DCC: variants seen among roughly 807,000 people sequenced by gnomAD.
The protein encoded by DCC is netrin receptor DCC.
DCC carries 58 observed loss-of-function variants against 172.5 expected under a neutral mutation model. That is an observed-to-expected ratio of 0.34 (90% CI 0.27 to 0.42). DCC has a LOEUF of 0.42. Among genes scored for constraint, DCC ranks in the 10% least tolerant of loss-of-function variants. The pLI is 1.00. For synonymous variants in DCC, 709 were observed against 644.5 expected, an observed-to-expected ratio of 1.10 and a Z score of -1.52; for missense variants, 1,740 against 1,791.0, an observed-to-expected ratio of 0.97 and a Z score of 0.51.
rs536212443 is a variant in DCC at position 53,116,615 on chromosome 18, C to T, written c.1262-40741C>T. Among the ~76,000 whole-genome samples the T allele has an allele frequency of 2.0e-5, 3 of 151,708 alleles. No individual in the cohort carries two copies. In the East Asian group the frequency reaches 5.9e-4, roughly 30 times the overall value. ...TGCAGCTATTCATTATTGCATCTTT[C>T]AAATAAACATGAAAGTACTCTTGGG... On this transcript the variant is annotated intron_variant, in intron 7 of 28. Coordinates refer to ENST00000442544, the MANE Select transcript of DCC (RefSeq NM_005215.4).
chr18:53,111,994 A>G (rs2043339962), intron 7 of DCC, among the ~76,000 whole-genome samples: 2 of 151,512 alleles, frequency 1.3e-5, no homozygotes, highest in South Asian at 2.1e-4. Flanking sequence ...CGTGGCCTGA[A>G]TGTTGATCTG....
intron 21 of DCC, among the ~76,000 whole-genome samples, chr18:53,419,279 C>G (rs1210537725): frequency 2.0e-5 from 3 of 152,122 alleles, no homozygotes; most frequent in Non-Finnish European, 4.4e-5. Flanking sequence ...AAGCATTTAT[C>G]TGTTGACTTA....
intron 2 of DCC, among the ~76,000 whole-genome samples, chr18:52,834,931 CAT>C (rs1366011260): frequency 1.5e-5 from 2 of 134,714 alleles, no homozygotes; most frequent in East Asian, 2.1e-4. Context: ...GTATATTGGA[CAT>C]ATATGTATAT....
chr18:52,796,701 G>T (rs74819276), intron 2 of DCC, among the ~76,000 whole-genome samples: 1 of 152,088 alleles, frequency 6.6e-6, no homozygotes, highest in Non-Finnish European at 1.5e-5. Flanking sequence ...TCTGATGGAG[G>T]TTCCCTTTTA....
chr18:53,101,616 G>T (rs1039366596), intron 7 of DCC, among the ~76,000 whole-genome samples: 3 of 152,116 alleles, frequency 2.0e-5, no homozygotes, highest in Non-Finnish European at 2.9e-5. Context: ...ACTTAGCCAA[G>T]AAAACGTAGA....
chr18:52,435,604 C>T (rs1019875298), intron 1 of DCC, among the ~76,000 whole-genome samples: 8 of 152,320 alleles, frequency 5.3e-5, no homozygotes, highest in African/African-American at 1.7e-4. Flanking sequence ...CCATTTATCT[C>T]AACGGTGATA....
At chr18:53,002,779 C>T (rs926081841) in intron 5 of DCC, among the ~76,000 whole-genome samples, 1 of 152,050 alleles carries the variant, frequency 6.6e-6, no homozygotes, top group African/African-American at 2.4e-5. Context: ...GAGTGTTAGC[C>T]TTGAAAAGAC....
intron 15 of DCC, among the ~76,000 whole-genome samples, chr18:53,341,953 A>G (rs1454899849): frequency 6.6e-6 from 1 of 152,074 alleles, no homozygotes; most frequent in African/African-American, 2.4e-5. Flanking sequence ...CATTACATAT[A>G]CATAATAAAG....
At chr18:52,815,375 T>C (rs1453688936) in intron 2 of DCC, among the ~76,000 whole-genome samples, 1 of 151,094 alleles carries the variant, frequency 6.6e-6, no homozygotes, top group African/African-American at 2.4e-5. Context: ...GAGGAAGAGA[T>C]AGTAGAGCGC....
rs185073637 is a variant in DCC, at chr18:52,769,785, T to C, written c.412+17411T>C. 3.4e-3 allele frequency among the ~76,000 whole-genome samples: 515 copies of C among 151,706 alleles called. 6 individuals carry two copies. The highest frequency in any genetic ancestry group is 0.012 in the African/African-American group (487 of 41,224). ...GAAGTATGTAAGGTCTGTGTCTAGA[T>C]TATTTTTCTTTTGCATGATGATGTC... On this transcript the variant is annotated intron_variant, in intron 2 of 28. Coordinates refer to ENST00000442544, the MANE Select transcript of DCC (RefSeq NM_005215.4).
intron 7 of DCC, among the ~76,000 whole-genome samples, chr18:53,087,585 G>A (rs1568296354): frequency 6.6e-6 from 1 of 152,114 alleles, no homozygotes; most frequent in Non-Finnish European, 1.5e-5. Context: ...TTCTTTTGCT[G>A]TGCAGAAGCT....
At chr18:53,528,730 A>G (rs551874622) in intron 28 of DCC, among the ~76,000 whole-genome samples, 28 of 152,272 alleles carry the variant, frequency 1.8e-4, no homozygotes, top group Admixed American at 6.5e-4. Context: ...ATCTAACCCA[A>G]TATTTCCAAA....
At chr18:52,477,185 C>G (rs1055827830) in intron 1 of DCC, among the ~76,000 whole-genome samples, 5 of 152,126 alleles carry the variant, frequency 3.3e-5, no homozygotes, top group Admixed American at 6.5e-5. Flanking sequence ...TATGTATCAT[C>G]AATCTCCATC....
intron 1 of DCC, among the ~76,000 whole-genome samples, chr18:52,482,404 C>G (rs918630390): frequency 1.3e-5 from 2 of 152,144 alleles, no homozygotes; most frequent in Admixed American, 1.3e-4. Flanking sequence ...TTAGCTCAGG[C>G]TACTATAACA....
intron 17 of DCC, among the ~76,000 whole-genome samples, chr18:53,392,801 T>G (rs1908646468): frequency 6.6e-6 from 1 of 152,212 alleles, no homozygotes; most frequent in Non-Finnish European, 1.5e-5. Context: ...TAGGATGAAT[T>G]ATACACTCAG....
intron 7 of DCC, among the ~76,000 whole-genome samples, chr18:53,156,498 A>G (rs1482862203): frequency 1.3e-5 from 2 of 152,136 alleles, no homozygotes; most frequent in African/African-American, 2.4e-5. Context: ...AAAAAAAAAA[A>G]AAAAGAATCA....
intron 1 of DCC, among the ~76,000 whole-genome samples, chr18:52,572,007 T>C (rs937530873): frequency 7.9e-5 from 12 of 152,184 alleles, no homozygotes; most frequent in Non-Finnish European, 1.6e-4. Context: ...ATATGTAACA[T>C]ATATGTTACA....
At chr18:52,386,895 G>C (rs1985821536) in intron 1 of DCC, among the ~76,000 whole-genome samples, 1 of 151,970 alleles carries the variant, frequency 6.6e-6, no homozygotes, top group African/African-American at 2.4e-5. Flanking sequence ...CTCCAGTCTA[G>C]TACCTATTAC....
chr18:53,384,121 T>A (rs1907968237), intron 15 of DCC, among the ~76,000 whole-genome samples: 1 of 54,018 alleles, frequency 1.9e-5, no homozygotes, highest in Non-Finnish European at 7.3e-5. Context: ...CTGGTCATCG[T>A]ATATGCCTAA....
Sources: gnomAD v4.1 joint callset for allele counts (sites outside exome capture counted in the v4.1 genomes callset) on GRCh38, gnomAD v4.1.1 for gene constraint, MANE v1.5 for transcripts, NCBI Gene and HGNC (gene_info 2026-07-23, HGNC 2026-07-21) for gene names.